The following ITSN2 variants were observed in gnomAD, a reference collection of about 807,000 sequenced individuals.
The protein encoded by ITSN2 is intersectin-2.
In ITSN2, 156 loss-of-function variants were observed where a neutral mutation model predicts 243.7. The observed-to-expected ratio is 0.64, with a 90% CI of 0.56 to 0.73. The LOEUF (loss-of-function observed/expected upper bound fraction) is 0.73. Ranked by LOEUF, ITSN2 falls within the 30% of genes least tolerant of loss-of-function variation. ITSN2 has a pLI of 0.00. For missense variants in ITSN2, 1,801 were observed against 1,996.1 expected, an observed-to-expected ratio of 0.90 and a Z score of 1.86; for synonymous variants, 703 against 699.9, an observed-to-expected ratio of 1.00 and a Z score of -0.07.
chr2:24,208,666 G>A (rs577739838), intron 36 of ITSN2, among the ~76,000 whole-genome samples: 2 of 152,358 alleles, frequency 1.3e-5, no homozygotes, highest in African/African-American at 2.4e-5. Flanking sequence ...CACTGTTGGA[G>A]CTGCAGCCTG....
intron 29 of ITSN2, among the ~76,000 whole-genome samples, chr2:24,230,021 T>C (rs1006551024): frequency 6.6e-5 from 10 of 152,230 alleles, no homozygotes; most frequent in Non-Finnish European, 1.5e-4. Context: ...TCATGGCTTA[T>C]TTATGTACTG....
chr2:24,325,403 C>T (rs1297373855), intron 2 of ITSN2, among the ~76,000 whole-genome samples: 1 of 152,004 alleles, frequency 6.6e-6, no homozygotes, highest in Non-Finnish European at 1.5e-5. Flanking sequence ...GAGTGGAGAC[C>T]CTGTCTCAAA....
Position 24,299,942 on chromosome 2 carries a change from C to T in ITSN2, c.1311G>A (p.Glu437=). 16 of 1,612,052 alleles carry T rather than the reference C, an allele frequency of 9.9e-6. No individual in the cohort carries two copies. The highest frequency in any genetic ancestry group is 1.3e-5 in the Non-Finnish European group (15 of 1,179,480). ...EKQRELERQR[E]EERRKDIERR... Reference sequence around the variant, plus strand: ...TTTCTATGTCTTTTCTCCTTTCTTCCTCTCGTTGTCTCTCCAATTCCCGTT... The same window carrying T: ...TTTCTATGTCTTTTCTCCTTTCTTCTTCTCGTTGTCTCTCCAATTCCCGTT... Residue 437 remains glutamate, a synonymous_variant, in exon 12 of 40, where the codon GAG becomes GAA. Transcript: ENST00000355123.
Position 24,313,445 on chromosome 2 carries a change from T to C in ITSN2, c.188+15A>G. On this transcript the variant is annotated intron_variant, in intron 4 of 39. Transcript: ENST00000355123. ...ATACTATCAGAAAATTAGGTTCATC[T>C]ACAAAACACTTTACCATATTTCAGC... 3 of 1,603,088 alleles carry C rather than the reference T, an allele frequency of 1.9e-6. No homozygotes were observed.
Position 24,257,918 on chromosome 2 carries a change from A to G in ITSN2, c.2858T>C (p.Ile953Thr). 1 of 1,614,076 alleles carries G rather than the reference A, an allele frequency of 6.2e-7. No individual in the cohort carries two copies. The highest frequency in any genetic ancestry group is 8.5e-7 in the Non-Finnish European group (1 of 1,179,942). Residue 953 changes from isoleucine (I) to threonine (T), a missense_variant, in exon 23 of 40, where the codon ATC (isoleucine) becomes ACC (threonine). This residue lies in a region of ITSN2 where 928 missense variants were observed against 1,065.4 expected (regional missense o/e 0.87). Coordinates refer to ENST00000355123, the MANE Select transcript of ITSN2 (RefSeq NM_006277.3). ...CCGTTTTACTTCACTCCCAGGAATG[A>G]TCTTGACATAAGATTTGGGAAACCA... ...RGWFPKSYVKIIPGSEVKREE... is the reference protein window; with the variant it reads ...RGWFPKSYVKTIPGSEVKREE...
chr2:24,206,580 G>T (rs1277235769), intron 37 of ITSN2, among the ~76,000 whole-genome samples: 1 of 151,992 alleles, frequency 6.6e-6, no homozygotes, highest in Non-Finnish European at 1.5e-5. Flanking sequence ...AGGGTGGGGT[G>T]GGGGGTGCTT....
intron 14 of ITSN2, 86 bp downstream of exon 14, chr2:24,295,578 G>C: frequency 1.9e-6 from 2 of 1,062,906 alleles, no homozygotes. Context: ...CAAAGTGCTA[G>C]CATTACAGCC....
intron 1 of ITSN2, among the ~76,000 whole-genome samples, chr2:24,347,580 G>C (rs968087539): frequency 3.9e-5 from 6 of 152,150 alleles, no homozygotes; most frequent in African/African-American, 1.4e-4. Context: ...CAGCTACTCG[G>C]TAGGCTGAGG....
At chr2:24,206,270 G>A in intron 37 of ITSN2, 1 of 435,574 alleles carries the variant, frequency 2.3e-6, no homozygotes, top group South Asian at 1.7e-5. Flanking sequence ...ACAAAATGGG[G>A]GAAACCTGAA....
At chr2:24,251,707 A>G (rs1674320146) in intron 25 of ITSN2, among the ~76,000 whole-genome samples, 1 of 150,688 alleles carries the variant, frequency 6.6e-6, no homozygotes, top group Non-Finnish European at 1.5e-5. Context: ...CATGATAAAT[A>G]CGGCTGTTTT....
At chr2:24,224,231 T>C (rs1299039092) in intron 29 of ITSN2, among the ~76,000 whole-genome samples, 1 of 152,252 alleles carries the variant, frequency 6.6e-6, no homozygotes, top group Non-Finnish European at 1.5e-5. Context: ...TGTTCTGCTT[T>C]CAAGACTTTT....
rs1013186717 is a variant in ITSN2, at chr2:24,275,721, C to T, written c.2073G>A (p.Glu691=). 2.5e-6 allele frequency: 4 copies of T among 1,608,466 alleles called. No homozygotes were observed. The African/African-American group carries it at 4.0e-5, about 16-fold the overall frequency. ...TATATCAGCTATATTACCTTGCAGC[C>T]TCATCTTCTAGTTTCTTTTTCTGCA... ...ELMQKKKLED[E]AARKAKQGKE... is the part of the protein sequence containing the mutation. Residue 691 remains glutamate (E), a synonymous_variant, in exon 18 of 40, where the codon GAG becomes GAA. Coordinates refer to ENST00000355123, the MANE Select transcript of ITSN2 (RefSeq NM_006277.3).
At chr2:24,289,686 G>A (rs542680681) in intron 15 of ITSN2, among the ~76,000 whole-genome samples, 4 of 152,298 alleles carry the variant, frequency 2.6e-5, no homozygotes, top group Non-Finnish European at 5.9e-5. Flanking sequence ...CCAGATCTTA[G>A]ATCAAGCTTA....
chr2:24,210,629 A>AAAAG, intron 34 of ITSN2, 151 bp downstream of exon 34: 1 of 635,826 alleles, frequency 1.6e-6, no homozygotes, highest in Non-Finnish European at 2.6e-6. Flanking sequence ...AAAAAAAAAA[A>AAAAG]AAAAAGAAAA....
intron 31 of ITSN2, among the ~76,000 whole-genome samples, chr2:24,217,186 T>C (rs1199287499): frequency 3.3e-5 from 5 of 151,570 alleles, no homozygotes; most frequent in Admixed American, 1.3e-4. Context: ...GAGGCGGAGG[T>C]TGCAGTGAGC....
At position 24,216,189 on chromosome 2, in the gene ITSN2, C is replaced by T; in HGVS notation, c.3850G>A (p.Val1284Met). Residue 1284 changes from valine to methionine, a missense_variant, in exon 32 of 40, where the codon GTG becomes ATG. Around this residue, in one of 5 missense-constraint regions of ITSN2, gnomAD observed 928 missense variants for 1,065.4 expected, o/e 0.87. Coordinates refer to ENST00000355123, the MANE Select transcript of ITSN2 (RefSeq NM_006277.3). ...RKKTGGEKMP[V>M]QMIGDILAAE... ...GCCAGGATGTCCCCAATCATCTGCA[C>T]CGGCATCTTCTCGCCCCCGGTCTTC... 2 of 1,609,790 alleles carry T rather than the reference C, an allele frequency of 1.2e-6. No individual in the cohort carries two copies. Among genetic ancestry groups the T allele is most frequent in the Non-Finnish European group, 1.7e-6 (2 of 1,177,920 alleles).
Position 24,209,924 on chromosome 2 carries a change from T to A in ITSN2, c.4367A>T (p.Asn1456Ile), listed in dbSNP as rs139986826. The change falls in exon 35 of 40, where the codon AAT (asparagine) becomes ATT (isoleucine). Residue 1456 changes from asparagine (N) to isoleucine (I), a missense_variant. This residue lies in a region of ITSN2 where 928 missense variants were observed against 1,065.4 expected (regional missense o/e 0.87). Transcript: ENST00000355123. ...SNKELHGFLF[N>I]DFLLLTYMVK... ...CATGTAGGTAAGAAGCAGGAAGTCA[T>A]TGAAGAGGAATCCGTGCAGTTCCTT... The A allele has an allele frequency of 4.7e-5, 76 of 1,614,078 alleles. No homozygotes were observed. The highest frequency in any genetic ancestry group is 5.8e-5 in the Non-Finnish European group (69 of 1,180,028).
At chr2:24,343,937 A>C (rs191396079) in intron 1 of ITSN2, among the ~76,000 whole-genome samples, 57 of 152,334 alleles carry the variant, frequency 3.7e-4, no homozygotes, top group Non-Finnish European at 7.2e-4. Flanking sequence ...CTCCACAGAC[A>C]GGGGAGGAGG....
At chr2:24,293,098 T>C (rs902789275) in intron 15 of ITSN2, among the ~76,000 whole-genome samples, 4 of 152,228 alleles carry the variant, frequency 2.6e-5, no homozygotes, top group Non-Finnish European at 5.9e-5. Context: ...TTTTTTCAGT[T>C]TTCTCATTGG....
Sources: gnomAD v4.1 joint callset for allele counts (sites outside exome capture counted in the v4.1 genomes callset) on GRCh38, gnomAD v4.1.1 for gene constraint, gnomAD v4.1.1 regional missense constraint, MANE v1.5 for transcripts, NCBI Gene and HGNC (gene_info 2026-07-23, HGNC 2026-07-21) for gene names.